The following CCDC85A variants were observed in gnomAD, a reference collection of about 807,000 sequenced individuals.
The protein encoded by CCDC85A is coiled-coil domain-containing protein 85A.
CCDC85A carries 38 observed loss-of-function variants against 50.2 expected under a neutral mutation model. The observed-to-expected ratio is 0.76, with a 90% CI of 0.58 to 0.99. CCDC85A has a LOEUF of 0.99. CCDC85A is among the 50% of genes least tolerant of loss of function. CCDC85A has a pLI of 0.00. For synonymous variants in CCDC85A, 366 were observed against 301.4 expected (o/e 1.21, Z -2.22); for missense variants, 820 against 742.0 (o/e 1.11, Z -1.22).
intron 2 of CCDC85A, among the ~76,000 whole-genome samples, chr2:56,258,443 C>T (rs966531999): frequency 2.6e-5 from 4 of 152,198 alleles, no homozygotes; most frequent in Non-Finnish European, 5.9e-5. Context: ...CCATACCTCA[C>T]CACCCCTCGT....
intron 2 of CCDC85A, among the ~76,000 whole-genome samples, chr2:56,283,646 G>A (rs1671301662): frequency 6.6e-6 from 1 of 151,978 alleles, no homozygotes; most frequent in Non-Finnish European, 1.5e-5. Flanking sequence ...ATCAATGTTG[G>A]TAACTTGTAT....
At chr2:56,227,891 T>C (rs1668609750) in intron 2 of CCDC85A, among the ~76,000 whole-genome samples, 1 of 152,044 alleles carries the variant, frequency 6.6e-6, no homozygotes, top group Admixed American at 6.6e-5. Context: ...ATTTCAAGAG[T>C]TATGAAAGAT....
At chr2:56,220,612 A>G (rs1318891257) in intron 2 of CCDC85A, among the ~76,000 whole-genome samples, 1 of 152,060 alleles carries the variant, frequency 6.6e-6, no homozygotes, top group Non-Finnish European at 1.5e-5. Flanking sequence ...AGCAGGTCAG[A>G]CATTTCTGAG....
intron 2 of CCDC85A, among the ~76,000 whole-genome samples, chr2:56,311,458 T>C (rs1018802431): frequency 4.9e-4 from 72 of 146,482 alleles, no homozygotes; most frequent in African/African-American, 1.7e-3. Context: ...TTCATCGTTG[T>C]TTTTTTTTTT....
intron 2 of CCDC85A, among the ~76,000 whole-genome samples, chr2:56,196,011 G>A (rs1212266195): frequency 6.6e-6 from 1 of 152,114 alleles, no homozygotes; most frequent in Admixed American, 6.5e-5. Flanking sequence ...TTCGTTGACT[G>A]TGCCTTGAGC....
chr2:56,294,873 C>T (rs1255405722), intron 2 of CCDC85A, among the ~76,000 whole-genome samples: 1 of 152,156 alleles, frequency 6.6e-6, no homozygotes, highest in East Asian at 1.9e-4. Flanking sequence ...AGGCCGGTAC[C>T]TCTAATAGCT....
intron 2 of CCDC85A, among the ~76,000 whole-genome samples, chr2:56,303,761 C>G (rs182056364): frequency 6.6e-6 from 1 of 152,054 alleles, no homozygotes; most frequent in Non-Finnish European, 1.5e-5. Context: ...TTGAAATGTC[C>G]TTGGTGAATG....
At chr2:56,349,997 A>G (rs1674831676) in intron 3 of CCDC85A, among the ~76,000 whole-genome samples, 1 of 151,752 alleles carries the variant, frequency 6.6e-6, no homozygotes, top group Admixed American at 6.6e-5. Flanking sequence ...AATACTAAGG[A>G]ATATTTGGAA....
intron 2 of CCDC85A, among the ~76,000 whole-genome samples, chr2:56,208,522 G>T (rs17190086): frequency 0.082 from 12,494 of 152,160 alleles, 739 homozygotes; most frequent in Non-Finnish European, 0.13. Flanking sequence ...ATCCTGTGTT[G>T]ATGTAAATCA....
chr2:56,318,173 T>C (rs1673005567), intron 2 of CCDC85A, among the ~76,000 whole-genome samples: 1 of 152,152 alleles, frequency 6.6e-6, no homozygotes, highest in South Asian at 2.1e-4. Context: ...ACTTAATGCT[T>C]AATATTCTTC....
At chr2:56,239,331 C>T (rs1275916655) in intron 2 of CCDC85A, among the ~76,000 whole-genome samples, 1 of 151,918 alleles carries the variant, frequency 6.6e-6, no homozygotes, top group Non-Finnish European at 1.5e-5. Context: ...GATGAAGCCC[C>T]AAGGAGAGAT....
intron 2 of CCDC85A, among the ~76,000 whole-genome samples, chr2:56,332,266 C>A (rs539786423): frequency 7.2e-5 from 11 of 152,272 alleles, no homozygotes; most frequent in African/African-American, 2.6e-4. Flanking sequence ...TCTCTTCTTG[C>A]CACCCCTTCA....
chr2:56,372,847 T>C (rs1164296607), intron 4 of CCDC85A, among the ~76,000 whole-genome samples: 1 of 152,204 alleles, frequency 6.6e-6, no homozygotes, highest in Non-Finnish European at 1.5e-5. Context: ...AGGTGATGCA[T>C]GCACTGTGTG....
intron 2 of CCDC85A, among the ~76,000 whole-genome samples, chr2:56,288,132 T>C (rs1671531251): frequency 6.6e-6 from 1 of 152,156 alleles, no homozygotes; most frequent in African/African-American, 2.4e-5. Context: ...GCCATGGTAA[T>C]TATTCATTAC....
At chr2:56,267,045 T>C (rs1670480209) in intron 2 of CCDC85A, among the ~76,000 whole-genome samples, 1 of 152,188 alleles carries the variant, frequency 6.6e-6, no homozygotes, top group Non-Finnish European at 1.5e-5. Context: ...CTTTTTTTTT[T>C]CTAATATACA....
chr2:56,304,268 T>G (rs1293140841), intron 2 of CCDC85A, among the ~76,000 whole-genome samples: 5 of 152,218 alleles, frequency 3.3e-5, no homozygotes, highest in African/African-American at 4.8e-5. Context: ...TTTCTTGACT[T>G]AATGGAGAAT....
At chr2:56,268,259 G>C (rs1347203276) in intron 2 of CCDC85A, among the ~76,000 whole-genome samples, 4 of 152,100 alleles carry the variant, frequency 2.6e-5, no homozygotes, top group Non-Finnish European at 5.9e-5. Flanking sequence ...GACAGATTCA[G>C]GTTTCATGGG....
chr2:56,381,879 A>G (rs1285306396), intron 5 of CCDC85A, among the ~76,000 whole-genome samples: 3 of 152,176 alleles, frequency 2.0e-5, no homozygotes, highest in East Asian at 1.9e-4. Flanking sequence ...TGCACTTTCA[A>G]AAATAAATTG....
chr2:56,269,269 C>T (rs1670592769), intron 2 of CCDC85A, among the ~76,000 whole-genome samples: 1 of 152,016 alleles, frequency 6.6e-6, no homozygotes, highest in Non-Finnish European at 1.5e-5. Context: ...AAATGTACTC[C>T]CAGCTCTACT....
Sources: allele counts gnomAD v4.1 joint callset (sites outside exome capture counted in the v4.1 genomes callset), GRCh38; gene constraint gnomAD v4.1.1; transcripts MANE v1.5; gene names NCBI Gene and HGNC (gene_info 2026-07-23, HGNC 2026-07-21).